ESCO1: variants seen among roughly 807,000 people sequenced by gnomAD.
ESCO1 encodes establishment of sister chromatid cohesion N-acetyltransferase 1, also known as N-acetyltransferase ESCO1.
A neutral mutation model predicts 83.5 loss-of-function variants in ESCO1; 33 were observed. The observed-to-expected ratio is 0.40, with a 90% CI of 0.30 to 0.53. ESCO1 has a LOEUF of 0.53. Ranked by LOEUF, ESCO1 falls within the 20% of genes least tolerant of loss-of-function variation. The pLI, the probability that ESCO1 is intolerant of heterozygous loss-of-function variation, is 0.63. For synonymous variants in ESCO1, 332 were observed against 324.3 expected, an observed-to-expected ratio of 1.02 and a Z score of -0.25; for missense variants, 855 against 968.0, an observed-to-expected ratio of 0.88 and a Z score of 1.55.
chr18:21,595,087 T>A (rs1336361252), intron 1 of ESCO1, among the ~76,000 whole-genome samples: 1 of 151,702 alleles, frequency 6.6e-6, no homozygotes, highest in Admixed American at 6.6e-5. Flanking sequence ...GTTCAAGCGA[T>A]CCACCTGCCT....
chr18:21,553,628 C>A (rs981698493), intron 8 of ESCO1, among the ~76,000 whole-genome samples: 1 of 151,806 alleles, frequency 6.6e-6, no homozygotes. Context: ...AAGGCTGAGG[C>A]GGGCGGATCA....
intron 2 of ESCO1, among the ~76,000 whole-genome samples, chr18:21,579,643 G>T (rs1286802549): frequency 1.4e-5 from 2 of 146,946 alleles, no homozygotes; most frequent in African/African-American, 5.0e-5. Flanking sequence ...ATGGAGGCAG[G>T]CACCTGTAAT....
chr18:21,591,290 T>G (rs1332865734), intron 1 of ESCO1, among the ~76,000 whole-genome samples: 1 of 152,166 alleles, frequency 6.6e-6, no homozygotes, highest in African/African-American at 2.4e-5. Context: ...AATGTGGTCA[T>G]AGGCCCAGGA....
intron 8 of ESCO1, among the ~76,000 whole-genome samples, chr18:21,550,941 C>G: frequency 6.7e-6 from 1 of 150,176 alleles, no homozygotes; most frequent in Non-Finnish European, 1.5e-5. Flanking sequence ...TGAAACCCCG[C>G]CTCTACTAAA....
intron 10 of ESCO1, among the ~76,000 whole-genome samples, chr18:21,534,125 C>T (rs1275456719): frequency 1.3e-5 from 2 of 152,182 alleles, no homozygotes; most frequent in African/African-American, 4.8e-5. Context: ...CTCCTGCAAA[C>T]TTGCTTTGAC....
intron 8 of ESCO1, among the ~76,000 whole-genome samples, chr18:21,549,493 C>G (rs1452719284): frequency 6.6e-6 from 1 of 152,034 alleles, no homozygotes; most frequent in Non-Finnish European, 1.5e-5. Flanking sequence ...CAGCTCCCTG[C>G]AATCTCCGCC....
intron 6 of ESCO1, among the ~76,000 whole-genome samples, chr18:21,565,942 T>G (rs186202722): frequency 4.0e-5 from 6 of 151,620 alleles, no homozygotes; most frequent in East Asian, 3.9e-4. Context: ...AAAAAATAAA[T>G]AAATAAAGAA....
intron 4 of ESCO1, among the ~76,000 whole-genome samples, chr18:21,571,525 G>A (rs910028398): frequency 6.6e-6 from 1 of 152,096 alleles, no homozygotes; most frequent in African/African-American, 2.4e-5. Flanking sequence ...AAACAGAGGG[G>A]CTGCATAAAT....
At chr18:21,538,073 G>A (rs2037858834) in intron 9 of ESCO1, among the ~76,000 whole-genome samples, 1 of 151,994 alleles carries the variant, frequency 6.6e-6, no homozygotes, top group Admixed American at 6.6e-5. Flanking sequence ...ACTAGTTTAA[G>A]TATGGGATTA....
intron 8 of ESCO1, among the ~76,000 whole-genome samples, chr18:21,544,030 T>C (rs2037939494): frequency 6.6e-6 from 1 of 152,156 alleles, no homozygotes. Flanking sequence ...TCCCAGCACT[T>C]TGAGAGGCTG....
intron 10 of ESCO1, among the ~76,000 whole-genome samples, chr18:21,533,225 T>C (rs2037790063): frequency 6.6e-6 from 1 of 152,122 alleles, no homozygotes; most frequent in Non-Finnish European, 1.5e-5. Context: ...GTGGCTGGCT[T>C]TATGGGAAAA....
rs146765045 is a variant in ESCO1, at chr18:21,564,276, T to G, written c.1748A>C (p.His583Pro). Residue 583 changes from histidine to proline, a missense_variant, in exon 7 of 12, where the codon CAT becomes CCT. Physicochemically the swap from His to Pro is moderately conservative, Grantham distance 77 (BLOSUM62 -2). Around this residue, in one of 2 missense-constraint regions of ESCO1, gnomAD observed 726 missense variants for 699.5 expected, o/e 1.04. Transcript: ENST00000269214. ...GTCCTTTGGAATTGTTATCTCCAAA[T>G]GGGAATTACACTTAGGCAAAGAATG... The part of the protein sequence containing the change: ...RNHSLPKCNS[H>P]LEITIPKDLK... 1 of 1,612,356 alleles carries G rather than the reference T, an allele frequency of 6.2e-7. No homozygotes were observed. The highest frequency in any genetic ancestry group is 1.1e-5 in the South Asian group (1 of 90,656).
At chr18:21,567,341 G>C (rs778214979) in intron 5 of ESCO1, among the ~76,000 whole-genome samples, 1 of 151,914 alleles carries the variant, frequency 6.6e-6, no homozygotes, top group Non-Finnish European at 1.5e-5. Flanking sequence ...AGTATTTTTA[G>C]TAAATAGAAA....
intron 1 of ESCO1, among the ~76,000 whole-genome samples, chr18:21,594,703 CA>C (rs34358501): frequency 1.4e-5 from 2 of 146,550 alleles, no homozygotes; most frequent in African/African-American, 2.5e-5. Context: ...GACTCCATCT[CA>C]AAAAAAAAAA....
At position 21,575,357 on chromosome 18, in the gene ESCO1, T is replaced by C; in HGVS notation, c.-514A>G. The C allele has an allele frequency of 2.5e-6, 1 of 397,966 alleles. No individual in the cohort carries two copies. The highest frequency in any genetic ancestry group is 4.4e-6 in the Non-Finnish European group (1 of 225,664). 24.7% of individuals were successfully genotyped at this position (397,966 alleles called of 1,614,324 possible). A position where few individuals can be genotyped will look rare whatever the true frequency, so the allele number is the denominator to read the frequency against. ...TTCCTTGTTTGCTGAGTCTGTTGGT[T>C]TGCAGTTCTTATCTAACCTCCTTTG... is the stretch of plus-strand genomic sequence containing the variant. On this transcript the variant is annotated 5_prime_UTR_variant, in exon 4 of 12. Coordinates refer to ENST00000269214, the MANE Select transcript of ESCO1 (RefSeq NM_052911.3).
At chr18:21,585,019 G>A (rs1299535243) in intron 1 of ESCO1, among the ~76,000 whole-genome samples, 1 of 151,588 alleles carries the variant, frequency 6.6e-6, no homozygotes, top group African/African-American at 2.4e-5. Flanking sequence ...GCGGGTGCCT[G>A]TAATCCCAGC....
intron 8 of ESCO1, among the ~76,000 whole-genome samples, chr18:21,560,352 A>C (rs1393064530): frequency 3.3e-5 from 5 of 149,284 alleles, no homozygotes; most frequent in Non-Finnish European, 7.4e-5. Context: ...AGTATACTAC[A>C]AATTCTGAGG....
intron 8 of ESCO1, among the ~76,000 whole-genome samples, chr18:21,555,632 T>A (rs1394316836): frequency 6.6e-6 from 1 of 151,534 alleles, no homozygotes; most frequent in Admixed American, 6.6e-5. Context: ...CAAAACCCCA[T>A]CTCTACAAAA....
At chr18:21,546,654 C>T (rs1246713134) in intron 8 of ESCO1, among the ~76,000 whole-genome samples, 1 of 152,186 alleles carries the variant, frequency 6.6e-6, no homozygotes, top group South Asian at 2.1e-4. Flanking sequence ...TCAAGCAACT[C>T]TCCCAACTCA....
Sources: allele counts gnomAD v4.1 joint callset (sites outside exome capture counted in the v4.1 genomes callset), GRCh38; gene constraint gnomAD v4.1.1; regional missense constraint gnomAD v4.1.1; transcripts MANE v1.5; gene names NCBI Gene and HGNC (gene_info 2026-07-23, HGNC 2026-07-21).